WDPCP: variants seen among roughly 807,000 people sequenced by gnomAD.
WDPCP encodes the protein WD repeat-containing and planar cell polarity effector protein fritz homolog.
A neutral mutation model predicts 93.1 loss-of-function variants in WDPCP; 71 were observed. That is an observed-to-expected ratio of 0.76 (90% CI 0.63 to 0.93). The LOEUF (loss-of-function observed/expected upper bound fraction) is 0.93. Ranked by LOEUF, WDPCP falls within the 40% of genes least tolerant of loss-of-function variation. The pLI is 0.00. For missense variants in WDPCP, 844 were observed against 887.4 expected (o/e 0.95, Z 0.62); for synonymous variants, 315 against 315.0 (o/e 1.00, Z 0.00).
At chr2:63,524,404 C>T (rs1197277036) in intron 1 of WDPCP, among the ~76,000 whole-genome samples, 2 of 152,172 alleles carry the variant, frequency 1.3e-5, no homozygotes, top group African/African-American at 2.4e-5. Flanking sequence ...CAAAAACAGA[C>T]AGAGAGACCA....
chr2:63,362,630 C>T (rs1194646472), intron 12 of WDPCP, among the ~76,000 whole-genome samples: 5 of 152,054 alleles, frequency 3.3e-5, no homozygotes, highest in African/African-American at 1.2e-4. Context: ...ATTTACTTTA[C>T]ATGAACATGA....
chr2:63,556,797 C>T (rs938054354), intron 1 of WDPCP, among the ~76,000 whole-genome samples: 1 of 152,114 alleles, frequency 6.6e-6, no homozygotes, highest in African/African-American at 2.4e-5. Flanking sequence ...AAAGGGAAGC[C>T]CATCAGACTA....
At chr2:63,810,073 A>G (rs1670840619) in intron 2 of WDPCP, among the ~76,000 whole-genome samples, 1 of 152,196 alleles carries the variant, frequency 6.6e-6, no homozygotes, top group African/African-American at 2.4e-5. Flanking sequence ...GTAGACAAAA[A>G]GTAATTCAAA....
intron 2 of WDPCP, among the ~76,000 whole-genome samples, chr2:63,721,730 C>T (rs1293164250): frequency 1.3e-5 from 2 of 148,408 alleles, no homozygotes; most frequent in Non-Finnish European, 3.0e-5. Context: ...CCTCCTCCCC[C>T]TCTCCCTCTC....
At chr2:63,503,667 C>A (rs1052615307) in intron 1 of WDPCP, among the ~76,000 whole-genome samples, 1 of 151,848 alleles carries the variant, frequency 6.6e-6, no homozygotes, top group African/African-American at 2.4e-5. Context: ...ATAATTAATT[C>A]TAGATTAAAA....
At chr2:63,457,726 T>C (rs1355492961) in intron 6 of WDPCP, among the ~76,000 whole-genome samples, 1 of 152,126 alleles carries the variant, frequency 6.6e-6, no homozygotes. Flanking sequence ...TCAAAAGATG[T>C]AGAAAAAGCA....
At chr2:63,774,463 G>T (rs1670273093) in intron 2 of WDPCP, among the ~76,000 whole-genome samples, 1 of 152,016 alleles carries the variant, frequency 6.6e-6, no homozygotes, top group South Asian at 2.1e-4. Flanking sequence ...CTCTTCCCAA[G>T]ATTTTGACCC....
At chr2:63,338,570 AT>A (rs1270963174) in intron 12 of WDPCP, among the ~76,000 whole-genome samples, 760 of 5,028 alleles carry the variant, frequency 0.15, 11 homozygotes, top group Middle Eastern at 0.25. Context: ...AAAAAAAAAA[AT>A]ATATATATAT....
intron 2 of WDPCP, among the ~76,000 whole-genome samples, chr2:63,675,161 G>C (rs1710389801): frequency 6.6e-6 from 1 of 151,960 alleles, no homozygotes; most frequent in Non-Finnish European, 1.5e-5. Context: ...GTGCCTTCTG[G>C]AACTACTCAG....
At chr2:63,509,579 C>T (rs1182043403) in intron 1 of WDPCP, among the ~76,000 whole-genome samples, 1 of 152,152 alleles carries the variant, frequency 6.6e-6, no homozygotes. Flanking sequence ...TAACTAAGAT[C>T]AGAGCAGAAT....
intron 1 of WDPCP, among the ~76,000 whole-genome samples, chr2:63,574,938 CATA>C (rs1292608897): frequency 3.3e-5 from 5 of 152,092 alleles, no homozygotes; most frequent in African/African-American, 1.2e-4. Flanking sequence ...CTTCAACTGG[CATA>C]ATATCATTAT....
intron 1 of WDPCP, among the ~76,000 whole-genome samples, chr2:63,540,885 A>G (rs1218861658): frequency 6.6e-6 from 1 of 151,698 alleles, no homozygotes; most frequent in Non-Finnish European, 1.5e-5. Context: ...CTGGGACTAC[A>G]GGTGCACACT....
chr2:63,218,883 G>T (rs1039445349), intron 14 of WDPCP, among the ~76,000 whole-genome samples: 1 of 152,098 alleles, frequency 6.6e-6, no homozygotes, highest in Non-Finnish European at 1.5e-5. Flanking sequence ...AATCTCCAAT[G>T]AAGTTTTTGT....
Position 63,758,998 on chromosome 2 carries a change from C to G in WDPCP, n.308+54624G>C, listed in dbSNP as rs370965143. The stretch of plus-strand genomic sequence containing the variant: ...GTTTCACCATGTTGGCCAGGCTGGC[C>G]TCAAACTCCTGACCTCAGGTGATCC... On this transcript the variant is annotated intron_variant and non_coding_transcript_variant, in intron 2 of 4. Coordinates refer to the WDPCP transcript ENST00000467687. 4.8e-4 allele frequency among the ~76,000 whole-genome samples: 73 copies of G among 151,954 alleles called. 1 individual carries two copies. In the East Asian group the frequency reaches 0.013, roughly 28 times the overall value.
intron 2 of WDPCP, among the ~76,000 whole-genome samples, chr2:63,797,934 G>A (rs751950827): frequency 2.3e-4 from 35 of 152,048 alleles, no homozygotes; most frequent in Non-Finnish European, 4.3e-4. Flanking sequence ...AGCATCAAGA[G>A]AAAAGAAACA....
At chr2:63,601,942 A>G (rs1457735605) in intron 3 of WDPCP, among the ~76,000 whole-genome samples, 1 of 152,212 alleles carries the variant, frequency 6.6e-6, no homozygotes, top group Non-Finnish European at 1.5e-5. Flanking sequence ...CTTTCTGGTC[A>G]TGGCAGACGT....
intron 1 of WDPCP, among the ~76,000 whole-genome samples, chr2:63,555,194 T>G (rs1706000527): frequency 6.6e-6 from 1 of 152,228 alleles, no homozygotes; most frequent in African/African-American, 2.4e-5. Flanking sequence ...GAGGAATTCC[T>G]CACAGCATAG....
chr2:63,785,721 A>C (rs1670456373), intron 2 of WDPCP, among the ~76,000 whole-genome samples: 1 of 152,146 alleles, frequency 6.6e-6, no homozygotes, highest in Admixed American at 6.6e-5. Context: ...ATTTTCTTAG[A>C]TTCACTTTCT....
chr2:63,346,028 G>A (rs1689168624), intron 12 of WDPCP, among the ~76,000 whole-genome samples: 1 of 152,192 alleles, frequency 6.6e-6, no homozygotes, highest in South Asian at 2.1e-4. Context: ...TCTCGGATTG[G>A]ATTAAGAGGA....
Sources: allele counts gnomAD v4.1 joint callset (sites outside exome capture counted in the v4.1 genomes callset), GRCh38; gene constraint gnomAD v4.1.1; transcripts MANE v1.5; gene names NCBI Gene and HGNC (gene_info 2026-07-23, HGNC 2026-07-21).